SNTG1: variants seen among roughly 807,000 people sequenced by gnomAD.
SNTG1 encodes the protein syntrophin gamma 1, also known as gamma-1-syntrophin.
In SNTG1, 39 loss-of-function variants were observed where a neutral mutation model predicts 74.7. That is an observed-to-expected ratio of 0.52 (90% CI 0.40 to 0.68). The LOEUF is 0.68. Ranked by LOEUF, SNTG1 falls within the 30% of genes least tolerant of loss-of-function variation. The pLI, the probability that SNTG1 is intolerant of heterozygous loss-of-function variation, is 0.00. For synonymous variants in SNTG1, 254 were observed against 217.1 expected, an observed-to-expected ratio of 1.17 and a Z score of -1.49; for missense variants, 685 against 609.5, an observed-to-expected ratio of 1.12 and a Z score of -1.30.
chr8:50,602,607 T>C (rs533197948), intron 13 of SNTG1, among the ~76,000 whole-genome samples: 1 of 152,318 alleles, frequency 6.6e-6, no homozygotes, highest in East Asian at 1.9e-4. Context: ...AGTTTTGTAC[T>C]TTCAGGTGAT....
chr8:50,266,055 C>CTT (rs34945869), intron 2 of SNTG1, among the ~76,000 whole-genome samples: 43 of 145,612 alleles, frequency 3.0e-4, no homozygotes, highest in Admixed American at 8.3e-4. Context: ...AAAATCCTAG[C>CTT]TTTTTTTTTT....
At chr8:50,623,819 ATTTGT>A (rs1295689090) in intron 13 of SNTG1, among the ~76,000 whole-genome samples, 4 of 151,878 alleles carry the variant, frequency 2.6e-5, no homozygotes, top group African/African-American at 9.7e-5. Flanking sequence ...AAAATCATGG[ATTTGT>A]TTTGTTTATA....
chr8:50,561,219 C>T (rs2094486331), intron 12 of SNTG1, among the ~76,000 whole-genome samples: 1 of 152,094 alleles, frequency 6.6e-6, no homozygotes, highest in Non-Finnish European at 1.5e-5. Flanking sequence ...CTCTCTCCTG[C>T]TGCCTTGTGA....
At chr8:50,452,239 A>G (rs1182309768) in intron 8 of SNTG1, among the ~76,000 whole-genome samples, 2 of 152,240 alleles carry the variant, frequency 1.3e-5, no homozygotes, top group African/African-American at 4.8e-5. Flanking sequence ...GCTCAAGTTC[A>G]TGTAAAATAT....
At chr8:50,059,176 T>C (rs1199881802) in intron 1 of SNTG1, among the ~76,000 whole-genome samples, 1 of 152,136 alleles carries the variant, frequency 6.6e-6, no homozygotes, top group Non-Finnish European at 1.5e-5. Flanking sequence ...GTTTCTACTT[T>C]TTGGCTTTTA....
rs373458712 is a variant in SNTG1 at position 50,663,096 on chromosome 8, T to G, written c.1038+4433T>G. 2.0e-5 allele frequency among the ~76,000 whole-genome samples: 3 copies of G among 151,888 alleles called. No individual in the cohort carries two copies. The East Asian group carries it at 5.8e-4, about 29-fold the overall frequency. ...AGAGGAAGATGTGTCATGGCAGGGG[T>G]TGGAGTCCAGCCAGTAGGAGGGGAG... On this transcript the variant is annotated intron_variant, in intron 15 of 18. Coordinates refer to ENST00000642720, the MANE Select transcript of SNTG1 (RefSeq NM_018967.5).
At position 50,362,573 on chromosome 8, in the gene SNTG1, G is replaced by C. The variant is rs776681517; in HGVS notation, c.-27-31639G>C. On this transcript the variant is annotated intron_variant, in intron 2 of 18. Transcript: ENST00000642720. ...TTTAGCACTCTAATTTTCTTCAGAT[G>C]AGCAAACTAAATCCCTTTAAAATTA... 5.9e-5 allele frequency among the ~76,000 whole-genome samples: 9 copies of C among 151,552 alleles called. No homozygotes were observed. In the East Asian group the frequency reaches 1.7e-3, roughly 29 times the overall value.
At chr8:49,998,583 T>A (rs1409176513) in intron 1 of SNTG1, among the ~76,000 whole-genome samples, 1 of 120,216 alleles carries the variant, frequency 8.3e-6, no homozygotes, top group Non-Finnish European at 1.7e-5. Flanking sequence ...TTGTTAAAAA[T>A]TAAGACACAC....
At chr8:50,581,908 CAAA>C (rs1300224491) in intron 12 of SNTG1, among the ~76,000 whole-genome samples, 1 of 152,116 alleles carries the variant, frequency 6.6e-6, no homozygotes, top group Non-Finnish European at 1.5e-5. Context: ...AGTATATGTG[CAAA>C]ATTTGCAAGC....
chr8:49,992,483 G>T (rs1438743594), intron 1 of SNTG1, among the ~76,000 whole-genome samples: 1 of 152,142 alleles, frequency 6.6e-6, no homozygotes. Flanking sequence ...TTTGAAGCAA[G>T]TTAACTTTTC....
intron 10 of SNTG1, among the ~76,000 whole-genome samples, chr8:50,532,973 A>C (rs2130354546): frequency 6.6e-6 from 1 of 152,300 alleles, no homozygotes; most frequent in African/African-American, 2.4e-5. Context: ...ACTGTATTTT[A>C]AGGCAGCATT....
intron 2 of SNTG1, among the ~76,000 whole-genome samples, chr8:50,177,926 C>T (rs1292166231): frequency 1.3e-5 from 2 of 152,108 alleles, no homozygotes; most frequent in Non-Finnish European, 2.9e-5. Context: ...CTGTCTCTAC[C>T]GTTTTGCATT....
At chr8:50,104,684 TC>T (rs2080295091) in intron 1 of SNTG1, among the ~76,000 whole-genome samples, 1 of 152,216 alleles carries the variant, frequency 6.6e-6, no homozygotes, top group South Asian at 2.1e-4. Flanking sequence ...TTTCCTGCTT[TC>T]TGTTGTGGGC....
chr8:50,503,800 G>A (rs550119048), intron 9 of SNTG1, among the ~76,000 whole-genome samples: 1 of 152,190 alleles, frequency 6.6e-6, no homozygotes, highest in South Asian at 2.1e-4. Context: ...TACCAGCACT[G>A]TTCCCAGTAT....
At chr8:50,051,697 G>A (rs373669652) in intron 1 of SNTG1, among the ~76,000 whole-genome samples, 24 of 152,112 alleles carry the variant, frequency 1.6e-4, no homozygotes, top group African/African-American at 4.6e-4. Context: ...ATCCTCTGCC[G>A]TTCTGCCACC....
chr8:50,245,145 T>C (rs1421042168), intron 2 of SNTG1, among the ~76,000 whole-genome samples: 2 of 152,136 alleles, frequency 1.3e-5, no homozygotes, highest in Non-Finnish European at 2.9e-5. Context: ...GTCAGTCAGA[T>C]TGTTCTCTCT....
chr8:50,578,396 G>C (rs1209342887), intron 12 of SNTG1, among the ~76,000 whole-genome samples: 1 of 132,576 alleles, frequency 7.5e-6, no homozygotes, highest in Non-Finnish European at 1.6e-5. Flanking sequence ...ATTCTTGCTA[G>C]GTGAAAAAGT....
At chr8:50,715,074 T>C (rs73571223) in intron 17 of SNTG1, among the ~76,000 whole-genome samples, 4,886 of 152,236 alleles carry the variant, frequency 0.032, 258 homozygotes, top group African/African-American at 0.11. Flanking sequence ...ATAATAAGTA[T>C]GGGCGTCCAA....
intron 9 of SNTG1, among the ~76,000 whole-genome samples, chr8:50,507,779 A>C (rs150640359): frequency 6.7e-5 from 10 of 148,682 alleles, no homozygotes; most frequent in Non-Finnish European, 1.0e-4. Context: ...GGTGTGCTGC[A>C]CCCATTAACT....
Sources: gnomAD v4.1 joint callset for allele counts (sites outside exome capture counted in the v4.1 genomes callset) on GRCh38, gnomAD v4.1.1 for gene constraint, MANE v1.5 for transcripts, NCBI Gene and HGNC (gene_info 2026-07-23, HGNC 2026-07-21) for gene names.